The following BMP5 variants were observed in gnomAD, a reference collection of about 807,000 sequenced individuals.
BMP5 encodes bone morphogenetic protein 5.
In BMP5, 23 loss-of-function variants were observed where a neutral mutation model predicts 46.6. The observed-to-expected ratio is 0.49, with a 90% confidence interval of 0.35 to 0.70. The LOEUF (loss-of-function observed/expected upper bound fraction) is 0.70, where lower values mean the gene tolerates loss of function less well. Ranked by LOEUF, BMP5 falls within the 30% of genes least tolerant of loss-of-function variation. BMP5 has a pLI of 0.00. For missense variants in BMP5, 545 were observed against 565.6 expected (o/e 0.96, Z 0.37); for synonymous variants, 204 against 191.9 (o/e 1.06, Z -0.52).
rs192034932 is a variant in BMP5, at chr6:55,800,650, A to C, written c.684-6223T>G. Among the ~76,000 whole-genome samples the C allele has an allele frequency of 7.0e-4, 106 of 152,326 alleles. No individual in the cohort carries two copies. The East Asian group carries it at 0.018, about 26-fold the overall frequency. On this transcript the variant is annotated intron_variant, in intron 2 of 6. Coordinates refer to ENST00000370830, the MANE Select transcript of BMP5 (RefSeq NM_021073.4). ...TGGAGTATTCTCATTATAAGACAAA[A>C]AAAATTGACCAAGAATGTTTGATGT... is the stretch of plus-strand genomic sequence containing the variant.
chr6:55,764,355 C>T (rs1312834602), intron 4 of BMP5, among the ~76,000 whole-genome samples: 2 of 152,066 alleles, frequency 1.3e-5, no homozygotes, highest in Admixed American at 6.6e-5. Context: ...GGGCGGATCA[C>T]GAGGTCAGAA....
chr6:55,858,231 A>T lies in BMP5; in HGVS notation c.490+16145T>A, dbSNP rs567232320. Among the ~76,000 whole-genome samples, 20 of 152,298 alleles carry T rather than the reference A, an allele frequency of 1.3e-4. 1 individual carries two copies. Among genetic ancestry groups the T allele is most frequent in the African/African-American group, 4.8e-4 (20 of 41,558 alleles). ...ACTCCTTGAATATTATAAACACCTC[A>T]TTCTTCTCAATTTTTTTTCAGCAAT... is the stretch of plus-strand genomic sequence containing the variant. On this transcript the variant is annotated intron_variant, in intron 1 of 6. Coordinates refer to ENST00000370830, the MANE Select transcript of BMP5 (RefSeq NM_021073.4).
chr6:55,794,273 G>T lies in BMP5; in HGVS notation c.832+6C>A. On this transcript the variant is annotated splice_donor_region_variant and intron_variant, in intron 3 of 6. Coordinates refer to ENST00000370830, the MANE Select transcript of BMP5 (RefSeq NM_021073.4). ...CACAAAAAAATATATAAAATTCAGTGCTTACCATCCCCTGTTTCTGCACAG... is the reference window on the plus strand; with the variant it reads ...CACAAAAAAATATATAAAATTCAGTTCTTACCATCCCCTGTTTCTGCACAG... 1.2e-6 allele frequency: 2 copies of T among 1,613,732 alleles called. No individual in the cohort carries two copies. The highest frequency in any genetic ancestry group is 1.7e-6 in the Non-Finnish European group (2 of 1,179,822).
At chr6:55,822,204 C>T (rs1227865010) in intron 1 of BMP5, among the ~76,000 whole-genome samples, 2 of 152,166 alleles carry the variant, frequency 1.3e-5, no homozygotes, top group African/African-American at 2.4e-5. Flanking sequence ...CGTCTGCTAA[C>T]ACACTATGGC....
At chr6:55,874,187 T>C (rs1777847189) in intron 1 of BMP5, among the ~76,000 whole-genome samples, 189 bp downstream of exon 1, 1 of 152,030 alleles carries the variant, frequency 6.6e-6, no homozygotes, top group South Asian at 2.1e-4. Context: ...AATTTAACTA[T>C]TCATATTAAA....
intron 2 of BMP5, among the ~76,000 whole-genome samples, chr6:55,810,063 T>C (rs1250951101): frequency 6.6e-6 from 1 of 152,174 alleles, no homozygotes; most frequent in Non-Finnish European, 1.5e-5. Context: ...AAATTAATAA[T>C]GGTAAATTCT....
intron 1 of BMP5, among the ~76,000 whole-genome samples, chr6:55,869,367 C>T (rs971692126): frequency 6.6e-6 from 1 of 152,064 alleles, no homozygotes; most frequent in Non-Finnish European, 1.5e-5. Flanking sequence ...CCTTTTCTTT[C>T]TTTCAGGCTC....
intron 3 of BMP5, among the ~76,000 whole-genome samples, chr6:55,778,883 T>C (rs547511173): frequency 2.6e-5 from 4 of 152,150 alleles, no homozygotes; most frequent in African/African-American, 9.6e-5. Flanking sequence ...CTAACCCAAA[T>C]GACTTCATAT....
chr6:55,764,482 A>G (rs533384153), intron 4 of BMP5, among the ~76,000 whole-genome samples: 1 of 151,816 alleles, frequency 6.6e-6, no homozygotes, highest in South Asian at 2.1e-4. Context: ...CTGAGGCAGG[A>G]GAACGGCGTG....
At chr6:55,774,876 C>T (rs1201421197) in intron 3 of BMP5, among the ~76,000 whole-genome samples, 1 of 151,948 alleles carries the variant, frequency 6.6e-6, no homozygotes, top group African/African-American at 2.4e-5. Flanking sequence ...ATTACCTTTG[C>T]ACCAACCTGA....
chr6:55,813,507 T>G (rs929946067), intron 2 of BMP5, among the ~76,000 whole-genome samples: 1 of 151,800 alleles, frequency 6.6e-6, no homozygotes, highest in African/African-American at 2.4e-5. Flanking sequence ...AAATGTAATT[T>G]GGCCGGGCGC....
intron 2 of BMP5, among the ~76,000 whole-genome samples, chr6:55,805,762 A>C (rs1273101993): frequency 1.3e-5 from 2 of 152,114 alleles, no homozygotes; most frequent in East Asian, 3.9e-4. Context: ...CGCCATTCTG[A>C]CTGGTGTGAG....
intron 3 of BMP5, among the ~76,000 whole-genome samples, chr6:55,782,111 T>C (rs1236868858): frequency 2.0e-5 from 3 of 152,110 alleles, no homozygotes; most frequent in Admixed American, 1.3e-4. Context: ...AGTAACTACT[T>C]CTGCAGGAAC....
rs139434000 is a variant in BMP5, at chr6:55,820,815, T to A, written c.491-968A>T. Among the ~76,000 whole-genome samples the A allele has an allele frequency of 1.8e-3, 279 of 152,298 alleles. 5 individuals carry two copies. In the East Asian group the frequency reaches 0.045, roughly 25 times the overall value. The stretch of plus-strand genomic sequence containing the variant: ...CAGTACAAAGTCTCTCAAAAACCTC[T>A]GTCATTATTCAGAATTGAGAGGGGA... On this transcript the variant is annotated intron_variant, in intron 1 of 6. Coordinates refer to ENST00000370830, the MANE Select transcript of BMP5 (RefSeq NM_021073.4).
At chr6:55,782,158 C>T (rs1306786537) in intron 3 of BMP5, among the ~76,000 whole-genome samples, 2 of 151,922 alleles carry the variant, frequency 1.3e-5, no homozygotes, top group Admixed American at 1.3e-4. Context: ...AAATAATAAA[C>T]GTTTAAAATG....
intron 1 of BMP5, among the ~76,000 whole-genome samples, chr6:55,841,788 T>A (rs190346638): frequency 1.1e-4 from 16 of 152,306 alleles, no homozygotes; most frequent in Admixed American, 9.8e-4. Context: ...AAAGGCTTTA[T>A]GTTAACTTAA....
At chr6:55,805,581 C>T in intron 2 of BMP5, among the ~76,000 whole-genome samples, 1 of 152,034 alleles carries the variant, frequency 6.6e-6, no homozygotes, top group South Asian at 2.1e-4. Context: ...GGTATATATC[C>T]AGTAATGGGA....
At chr6:55,801,292 G>T (rs1459934327) in intron 2 of BMP5, among the ~76,000 whole-genome samples, 1 of 151,664 alleles carries the variant, frequency 6.6e-6, no homozygotes, top group East Asian at 1.9e-4. Context: ...GAGATCTGCT[G>T]GTTCATCTTA....
intron 2 of BMP5, among the ~76,000 whole-genome samples, chr6:55,810,857 T>C (rs1324210471): frequency 1.3e-5 from 2 of 152,124 alleles, no homozygotes; most frequent in Non-Finnish European, 1.5e-5. Context: ...ACATTACTAC[T>C]CCAGCATATC....
Sources: allele counts gnomAD v4.1 joint callset (sites outside exome capture counted in the v4.1 genomes callset), GRCh38; gene constraint gnomAD v4.1.1; transcripts MANE v1.5; gene names NCBI Gene and HGNC (gene_info 2026-07-23, HGNC 2026-07-21).